The following VAC14 variants were observed in gnomAD, a reference collection of about 807,000 sequenced individuals.
VAC14 encodes the protein VAC14 component of PIKFYVE complex.
VAC14 carries 47 observed loss-of-function variants against 85.3 expected under a neutral mutation model. That is an observed-to-expected ratio of 0.55 (90% CI 0.44 to 0.70). VAC14 has a LOEUF of 0.70. Among genes scored for constraint, VAC14 ranks in the 30% least tolerant of loss-of-function variants. The probability of loss-of-function intolerance (pLI) is 0.00; values close to 1 mark genes in which losing one functional copy is unlikely to be tolerated. For synonymous variants in VAC14, 447 were observed against 430.5 expected (o/e 1.04, Z -0.47); for missense variants, 861 against 1,004.3 (o/e 0.86, Z 1.93).
chr16:70,799,702 T>C (rs1273394852), intron 1 of VAC14, among the ~76,000 whole-genome samples: 1 of 152,150 alleles, frequency 6.6e-6, no homozygotes, highest in Non-Finnish European at 1.5e-5. Flanking sequence ...AAAATGTGAA[T>C]GGTGCAGAGG....
intron 14 of VAC14, among the ~76,000 whole-genome samples, chr16:70,700,502 T>C (rs1464127110): frequency 6.6e-6 from 1 of 152,176 alleles, no homozygotes; most frequent in Non-Finnish European, 1.5e-5. Flanking sequence ...GGGCAATACC[T>C]ATCTGTGAAA....
chr16:70,726,428 G>A (rs2054430735), intron 14 of VAC14, among the ~76,000 whole-genome samples: 1 of 152,362 alleles, frequency 6.6e-6, no homozygotes, highest in Non-Finnish European at 1.5e-5. Context: ...ACCACCCTGG[G>A]AAGCACAAGC....
intron 1 of VAC14, among the ~76,000 whole-genome samples, chr16:70,794,486 C>T (rs2034462165): frequency 6.6e-6 from 1 of 152,106 alleles, no homozygotes; most frequent in Non-Finnish European, 1.5e-5. Context: ...AATCAGAGAT[C>T]ATAAACTCAA....
chr16:70,717,188 G>T (rs913439784), intron 14 of VAC14, among the ~76,000 whole-genome samples: 2 of 152,232 alleles, frequency 1.3e-5, no homozygotes, highest in Non-Finnish European at 2.9e-5. Flanking sequence ...CAGCACCAGC[G>T]CACTCTGGCC....
chr16:70,754,603 C>G (rs2031676391), intron 12 of VAC14, among the ~76,000 whole-genome samples: 1 of 152,154 alleles, frequency 6.6e-6, no homozygotes, highest in South Asian at 2.1e-4. Flanking sequence ...CTGCCCACGG[C>G]AGGGCCAGGG....
At chr16:70,688,171 G>A in intron 18 of VAC14, 81 bp from the exon 19 acceptor site, 1 of 1,388,058 alleles carries the variant, frequency 7.2e-7, no homozygotes, top group Non-Finnish European at 9.4e-7. Flanking sequence ...GGGGTCAGAG[G>A]CAGAGCCACA....
chr16:70,761,312 G>T, intron 12 of VAC14: 1 of 300,028 alleles, frequency 3.3e-6, no homozygotes, highest in Non-Finnish European at 6.6e-6. Flanking sequence ...ACTCTCTGCA[G>T]TGTGGGCAGG....
chr16:70,687,978 G>A lies in VAC14; in HGVS notation c.2299C>T (p.His767Tyr). 1 of 1,597,016 alleles carries A rather than the reference G, an allele frequency of 6.3e-7. No individual in the cohort carries two copies. The highest frequency in any genetic ancestry group is 1.1e-5 in the South Asian group (1 of 89,224). The stretch of plus-strand genomic sequence containing the variant: ...TGGTCCCCACGCCCGCTCCGCTGGT[G>A]CCGCACTTCCAGGTGCTTGTTCTGG... ...KVQNKHLEVR[H>Y]QRSGRGDHLD... is the part of the protein sequence containing the mutation. The change falls in exon 19 of 19, where the codon CAC becomes TAC. Residue 767 changes from histidine to tyrosine, a missense_variant. Physicochemically the swap from His to Tyr is moderately conservative, Grantham distance 83. This residue lies in a region of VAC14 where 163 missense variants were observed against 162.2 expected (regional missense o/e 1.00). Coordinates refer to ENST00000261776, the MANE Select transcript of VAC14 (RefSeq NM_018052.5).
At chr16:70,790,765 C>T (rs2034299079) in intron 1 of VAC14, among the ~76,000 whole-genome samples, 1 of 152,164 alleles carries the variant, frequency 6.6e-6, no homozygotes, top group South Asian at 2.1e-4. Context: ...CAATTCAGAG[C>T]ACCCCAGGCC....
At chr16:70,690,608 C>G (rs1446302938) in intron 18 of VAC14, 2 of 985,340 alleles carry the variant, frequency 2.0e-6, no homozygotes, top group Non-Finnish European at 1.2e-6. Flanking sequence ...CACACAGAAC[C>G]AGGGATGGGC....
At position 70,762,419 on chromosome 16, in the gene VAC14, A is replaced by G; in HGVS notation, c.1371+121T>C. On this transcript the variant is annotated intron_variant, in intron 12 of 18. Transcript: ENST00000261776. The surrounding 1 kb of genome is among the most constrained non-coding windows in gnomAD (Gnocchi z 4.1). The stretch of plus-strand genomic sequence containing the variant: ...CACTGCACCTGGCCCCAAAGTGAGT[A>G]TTAAACACAGCTTTACCTCTAGGAA... 9.3e-7 allele frequency: 1 copy of G among 1,073,984 alleles called. No individual in the cohort carries two copies. The highest frequency in any genetic ancestry group is 1.4e-6 in the Non-Finnish European group (1 of 720,284). 66.5% of individuals were successfully genotyped at this position (1,073,984 alleles called of 1,614,324 possible).
intron 2 of VAC14, 57 bp from the exon 3 acceptor site, chr16:70,785,926 A>G (rs2034033788): frequency 3.9e-6 from 6 of 1,536,694 alleles, no homozygotes; most frequent in East Asian, 2.3e-5. Flanking sequence ...CAGGCCCTGC[A>G]GCCTGCAGTG....
At chr16:70,734,058 G>A (rs1162037739) in intron 13 of VAC14, among the ~76,000 whole-genome samples, 2 of 152,154 alleles carry the variant, frequency 1.3e-5, no homozygotes, top group African/African-American at 4.8e-5. Context: ...TCCTGATCTC[G>A]TGATCTGCCT....
intron 1 of VAC14, among the ~76,000 whole-genome samples, chr16:70,787,683 G>A (rs1334352451): frequency 6.6e-6 from 1 of 152,210 alleles, no homozygotes; most frequent in Non-Finnish European, 1.5e-5. Flanking sequence ...GAAGTGGGAT[G>A]GAGCCGGATC....
At chr16:70,708,132 C>A (rs1315572182) in intron 14 of VAC14, among the ~76,000 whole-genome samples, 2 of 152,200 alleles carry the variant, frequency 1.3e-5, no homozygotes, top group Non-Finnish European at 2.9e-5. Context: ...ACCACCCCGT[C>A]CCCTGTGTCC....
At chr16:70,794,352 T>C (rs8045407) in intron 1 of VAC14, among the ~76,000 whole-genome samples, 11,638 of 152,340 alleles carry the variant, frequency 0.076, 1,433 homozygotes, top group African/African-American at 0.26. Flanking sequence ...TTTGCCTATT[T>C]TGGCCATTTT....
chr16:70,722,089 C>A (rs1397786234), intron 14 of VAC14, among the ~76,000 whole-genome samples: 1 of 152,220 alleles, frequency 6.6e-6, no homozygotes. Context: ...AAAGATGGAA[C>A]AATGACGAGG....
At chr16:70,760,460 G>T (rs2032236726) in intron 12 of VAC14, among the ~76,000 whole-genome samples, 1 of 152,198 alleles carries the variant, frequency 6.6e-6, no homozygotes, top group South Asian at 2.1e-4. Context: ...GATGGGGTAA[G>T]ATCAGGACTC....
In VAC14 at chr16:70,716,028, G is replaced by C. The variant is rs1477944545; in HGVS notation, c.1661+15467C>G. 4.6e-5 allele frequency: 7 copies of C among 152,200 alleles called. No homozygotes were observed. In the South Asian group the frequency reaches 6.2e-4, roughly 14 times the overall value. 9.4% of individuals were successfully genotyped at this position (152,200 alleles called of 1,614,324 possible). ...ATAGCTTCAGCGGAGCCTGAGGAGA[G>C]GGGAAAACTAGGGCACTTTTATGCT... On this transcript the variant is annotated intron_variant, in intron 14 of 18. Transcript: ENST00000261776.
Sources: gnomAD v4.1 joint callset for allele counts (sites outside exome capture counted in the v4.1 genomes callset) on GRCh38, gnomAD v4.1.1 for gene constraint, gnomAD v4.1.1 regional missense constraint, Gnocchi (gnomAD v3.1) non-coding constraint, MANE v1.5 for transcripts, NCBI Gene and HGNC (gene_info 2026-07-23, HGNC 2026-07-21) for gene names.